The following BICC1 variants were observed in gnomAD, a reference collection of about 807,000 sequenced individuals.
The protein encoded by BICC1 is protein bicaudal C homolog 1.
Under a neutral mutation model 111.0 loss-of-function variants are expected in BICC1, and 43 were observed. The ratio of observed to expected loss-of-function variants is 0.39; its 90% confidence interval spans 0.30 to 0.50. The LOEUF is 0.50. Among genes scored for constraint, BICC1 ranks in the 20% least tolerant of loss-of-function variants. The pLI is 0.88. For missense variants in BICC1, 1,091 were observed against 1,203.2 expected (o/e 0.91, Z 1.38); for synonymous variants, 467 against 434.4 (o/e 1.07, Z -0.93).
chr10:58,680,104 T>C (rs914287069), intron 2 of BICC1, among the ~76,000 whole-genome samples: 1 of 152,158 alleles, frequency 6.6e-6, no homozygotes, highest in Non-Finnish European at 1.5e-5. Context: ...TTTCAAAGTA[T>C]TCCCTTTGAA....
chr10:58,591,678 G>T (rs1844623510), intron 1 of BICC1, among the ~76,000 whole-genome samples: 1 of 152,214 alleles, frequency 6.6e-6, no homozygotes, highest in African/African-American at 2.4e-5. Context: ...AACTGATGGG[G>T]AGATTTAGGA....
chr10:58,769,778 A>G (rs1406434150), intron 3 of BICC1, among the ~76,000 whole-genome samples: 2 of 151,918 alleles, frequency 1.3e-5, no homozygotes, highest in Admixed American at 6.6e-5. Context: ...GTACTTTACT[A>G]CCTGTACCTT....
chr10:58,610,661 A>C lies in BICC1; in HGVS notation c.191-10194A>C, dbSNP rs539971223. Among the ~76,000 whole-genome samples the C allele has an allele frequency of 5.9e-5, 9 of 151,714 alleles. No individual in the cohort carries two copies. The South Asian group carries it at 1.7e-3, about 28-fold the overall frequency. On this transcript the variant is annotated intron_variant, in intron 1 of 20. Transcript: ENST00000373886. ...CATAGAGCCCTTTTATAATGGGGTA[A>C]ATTTCTGTTTTATTTCGTGTTTCAT...
At chr10:58,666,740 C>T (rs1302677407) in intron 2 of BICC1, among the ~76,000 whole-genome samples, 1 of 152,096 alleles carries the variant, frequency 6.6e-6, no homozygotes, top group Non-Finnish European at 1.5e-5. Context: ...GGACTAAAGA[C>T]AGAAAACCAA....
At chr10:58,798,869 A>G (rs1463757692) in intron 11 of BICC1, among the ~76,000 whole-genome samples, 187 bp from the exon 12 acceptor site, 2 of 152,136 alleles carry the variant, frequency 1.3e-5, no homozygotes, top group Non-Finnish European at 2.9e-5. Flanking sequence ...AATATTCTCT[A>G]TGATATTGTC....
rs563808816 is a variant in BICC1, at chr10:58,774,661, C to T, written c.308-10340C>T. ...TTCTTAAAATTATGATATTGTGATC[C>T]TTCATTGATATTTCCAAATGACTTT... On this transcript the variant is annotated intron_variant, in intron 3 of 20. Transcript: ENST00000373886. Among the ~76,000 whole-genome samples the T allele has an allele frequency of 4.3e-4, 66 of 152,150 alleles. 1 individual carries two copies. The South Asian group carries it at 0.012, about 28-fold the overall frequency.
intron 2 of BICC1, among the ~76,000 whole-genome samples, chr10:58,682,287 T>A (rs1341576083): frequency 6.6e-6 from 1 of 152,122 alleles, no homozygotes; most frequent in Non-Finnish European, 1.5e-5. Context: ...TTTGGGTTGG[T>A]TCCAAGTCTT....
chr10:58,796,217 G>C (rs1285637330), intron 9 of BICC1, 123 bp from the exon 10 acceptor site: 1 of 781,724 alleles, frequency 1.3e-6, no homozygotes, highest in Non-Finnish European at 2.1e-6. Flanking sequence ...TTTAAAAGCA[G>C]CATTGATATG....
At chr10:58,775,904 GCA>G (rs1418450707) in intron 3 of BICC1, among the ~76,000 whole-genome samples, 3 of 152,140 alleles carry the variant, frequency 2.0e-5, no homozygotes, top group Admixed American at 1.3e-4. Flanking sequence ...ACAGTCTTTA[GCA>G]CACAGAGTCA....
chr10:58,550,375 G>C (rs115762565), intron 1 of BICC1, among the ~76,000 whole-genome samples: 1 of 151,976 alleles, frequency 6.6e-6, no homozygotes, highest in African/African-American at 2.4e-5. Flanking sequence ...TATTTTCTCC[G>C]AATCTTTGGT....
chr10:58,564,052 A>G (rs534512209), intron 1 of BICC1, among the ~76,000 whole-genome samples: 158 of 152,294 alleles, frequency 1.0e-3, no homozygotes, highest in African/African-American at 3.7e-3. Context: ...AAAGCTGAAC[A>G]CTATATTTTA....
At chr10:58,608,649 A>G (rs977171723) in intron 1 of BICC1, among the ~76,000 whole-genome samples, 2 of 152,322 alleles carry the variant, frequency 1.3e-5, no homozygotes, top group Non-Finnish European at 2.9e-5. Context: ...AGGTCAAAGT[A>G]GAAGGCTTCC....
intron 2 of BICC1, among the ~76,000 whole-genome samples, chr10:58,699,400 C>A (rs1840162133): frequency 6.6e-6 from 1 of 152,182 alleles, no homozygotes. Flanking sequence ...AGGATATTTT[C>A]TCTGGCATAT....
Position 58,513,129 on chromosome 10 carries a change from C to T in BICC1, c.-15C>T, listed in dbSNP as rs1237249804. 2.1e-6 allele frequency: 3 copies of T among 1,442,208 alleles called. No individual in the cohort carries two copies. The highest frequency in any genetic ancestry group is 4.6e-4 in the Middle Eastern group (2 of 4,326). 89.3% of individuals were successfully genotyped at this position (1,442,208 alleles called of 1,614,324 possible). On this transcript the variant is annotated 5_prime_UTR_variant, in exon 1 of 21. Coordinates refer to ENST00000373886, the MANE Select transcript of BICC1 (RefSeq NM_001080512.3). ...GCGGCGGCGGCAGCGGGAGCCCGAGCGCTGCGCGCCCACCATGGCCGCCCA... is the reference window on the plus strand; with the variant it reads ...GCGGCGGCGGCAGCGGGAGCCCGAGTGCTGCGCGCCCACCATGGCCGCCCA...
intron 3 of BICC1, chr10:58,715,433 C>T: frequency 1.6e-6 from 1 of 636,940 alleles, no homozygotes; most frequent in Non-Finnish European, 2.8e-6. Flanking sequence ...TTGGATTTTT[C>T]TTCTTAAAAA....
Position 58,799,146 on chromosome 10 carries a change from A to T in BICC1, c.1619A>T (p.His540Leu). The change falls in exon 12 of 21, where the codon CAC becomes CTC. Residue 540 changes from histidine (H) to leucine (L), a missense_variant. His to Leu is a moderately conservative substitution (Grantham distance 99). Around this residue, in one of 3 missense-constraint regions of BICC1, gnomAD observed 843 missense variants for 900.8 expected, o/e 0.94. Transcript: ENST00000373886. ...TTGTCTGGAGTGCCCACCTATGGGC[A>T]CACAGCTCCATCTCCCCCTCCTGGC... ...ILLSGVPTYG[H>L]TAPSPPPGLT... The T allele has an allele frequency of 1.2e-6, 2 of 1,613,912 alleles. No homozygotes were observed.
At chr10:58,658,554 T>C (rs1048763387) in intron 2 of BICC1, among the ~76,000 whole-genome samples, 9 of 152,138 alleles carry the variant, frequency 5.9e-5, no homozygotes, top group Non-Finnish European at 1.3e-4. Context: ...TATTATGCCA[T>C]CTGTGTTTGT....
At chr10:58,669,056 TG>T (rs1367612195) in intron 2 of BICC1, among the ~76,000 whole-genome samples, 1 of 152,138 alleles carries the variant, frequency 6.6e-6, no homozygotes, top group African/African-American at 2.4e-5. Context: ...CCAGATTATT[TG>T]TTAAGAATAA....
At chr10:58,806,054 T>C (rs767602340) in intron 15 of BICC1, among the ~76,000 whole-genome samples, 89 of 152,216 alleles carry the variant, frequency 5.8e-4, no homozygotes, top group Non-Finnish European at 1.1e-3. Flanking sequence ...ACATCTGCCA[T>C]TTATCTCACA....
Sources: allele counts gnomAD v4.1 joint callset (sites outside exome capture counted in the v4.1 genomes callset), GRCh38; gene constraint gnomAD v4.1.1; regional missense constraint gnomAD v4.1.1; transcripts MANE v1.5; gene names NCBI Gene and HGNC (gene_info 2026-07-23, HGNC 2026-07-21).